EVI5: variants seen among roughly 807,000 people sequenced by gnomAD.
EVI5 encodes the protein ecotropic viral integration site 5, also known as ecotropic viral integration site 5 protein homolog.
EVI5 carries 73 observed loss-of-function variants against 112.0 expected under a neutral mutation model. The ratio of observed to expected loss-of-function variants is 0.65; its 90% CI spans 0.54 to 0.79. The LOEUF is 0.79. EVI5 is among the 30% of genes least tolerant of loss of function. The pLI is 0.00. For synonymous variants in EVI5, 305 were observed against 319.9 expected (o/e 0.95, Z 0.50); for missense variants, 900 against 968.8 (o/e 0.93, Z 0.94).
intron 19 of EVI5, among the ~76,000 whole-genome samples, chr1:92,551,287 C>T (rs1666898399): frequency 6.6e-6 from 1 of 151,232 alleles, no homozygotes; most frequent in South Asian, 2.1e-4. Context: ...TCTGCCTTCC[C>T]TAAGTGCTGG....
At chr1:92,747,044 A>G (rs369452498) in intron 1 of EVI5, among the ~76,000 whole-genome samples, 13 of 152,194 alleles carry the variant, frequency 8.5e-5, no homozygotes, top group South Asian at 8.3e-4. Flanking sequence ...TTTCCCAAAG[A>G]TGGCCTATAT....
At chr1:92,776,839 G>A (rs1482887521) in intron 1 of EVI5, among the ~76,000 whole-genome samples, 4 of 147,292 alleles carry the variant, frequency 2.7e-5, no homozygotes, top group African/African-American at 5.0e-5. Context: ...AGTCTCGCTC[G>A]TCGCCCAGGC....
intron 16 of EVI5, among the ~76,000 whole-genome samples, chr1:92,621,179 G>A (rs1654486913): frequency 6.6e-6 from 1 of 152,006 alleles, no homozygotes; most frequent in Admixed American, 6.6e-5. Context: ...TAGAAAAAAA[G>A]AAACAAAGAA....
chr1:92,671,222 A>G (rs1244543133), intron 10 of EVI5, among the ~76,000 whole-genome samples: 1 of 152,186 alleles, frequency 6.6e-6, no homozygotes, highest in Non-Finnish European at 1.5e-5. Context: ...ATCATGCTGG[A>G]AAATGCAATG....
At chr1:92,657,385 A>G (rs567431716) in intron 13 of EVI5, among the ~76,000 whole-genome samples, 16 of 152,344 alleles carry the variant, frequency 1.1e-4, no homozygotes, top group Admixed American at 2.0e-4. Context: ...AACATACGCC[A>G]GGTACGTCGG....
chr1:92,746,708 T>C (rs960880780), intron 1 of EVI5, among the ~76,000 whole-genome samples: 1 of 151,736 alleles, frequency 6.6e-6, no homozygotes, highest in Non-Finnish European at 1.5e-5. Context: ...GCCTGGGCAA[T>C]AGAGCGAGAC....
At chr1:92,691,482 GA>G (rs1321600298) in intron 9 of EVI5, among the ~76,000 whole-genome samples, 2 of 151,998 alleles carry the variant, frequency 1.3e-5, no homozygotes, top group African/African-American at 4.8e-5. Flanking sequence ...TTTCCCAAGT[GA>G]AAAAAAGCAA....
At chr1:92,547,314 C>G (rs367897810) in intron 19 of EVI5, among the ~76,000 whole-genome samples, 2 of 152,150 alleles carry the variant, frequency 1.3e-5, no homozygotes, top group South Asian at 2.1e-4. Context: ...AACAAAGACA[C>G]AACATACCAG....
rs1677487303 is a variant in EVI5 at position 92,736,621 on chromosome 1, T to C, written c.-75A>G. 2.5e-6 allele frequency: 4 copies of C among 1,612,120 alleles called. No individual in the cohort carries two copies. Among genetic ancestry groups the C allele is most frequent in the Admixed American group, 1.7e-5 (1 of 59,998 alleles). On this transcript the variant is annotated 5_prime_UTR_variant, in exon 2 of 20. Transcript: ENST00000684568. Reference sequence around the variant, plus strand: ...CTCAGCTTTTCTGCAACTTTGTCTGTCGCCACCTAAGGACAAAAATAAAAG... The same window carrying C: ...CTCAGCTTTTCTGCAACTTTGTCTGCCGCCACCTAAGGACAAAAATAAAAG...
rs566376045 is a variant in EVI5, at chr1:92,758,994, T to C, written c.-81-22367A>G. Among the ~76,000 whole-genome samples the C allele has an allele frequency of 1.1e-4, 17 of 152,224 alleles. No homozygotes were observed. In the East Asian group the frequency reaches 2.9e-3, roughly 26 times the overall value. On this transcript the variant is annotated intron_variant, in intron 1 of 19. Transcript: ENST00000684568. ...GGCTCATGCCTGCAATCCCAACACT[T>C]TGGGAGGCCCAAGCAGGCAGATCAC...
intron 18 of EVI5, among the ~76,000 whole-genome samples, chr1:92,568,845 A>G (rs541372724): frequency 6.6e-6 from 1 of 152,334 alleles, no homozygotes; most frequent in South Asian, 2.1e-4. Flanking sequence ...GCTTATTTTA[A>G]GAATACAGTC....
intron 15 of EVI5, among the ~76,000 whole-genome samples, chr1:92,625,524 T>C (rs1029536251): frequency 2.0e-5 from 3 of 152,210 alleles, no homozygotes; most frequent in Non-Finnish European, 2.9e-5. Context: ...CTTTCACAGT[T>C]TGCAGAAAAA....
At chr1:92,535,304 TTGG>T (rs1663672302) in intron 19 of EVI5, among the ~76,000 whole-genome samples, 1 of 152,144 alleles carries the variant, frequency 6.6e-6, no homozygotes, top group South Asian at 2.1e-4. Flanking sequence ...TTTTACACTG[TTGG>T]TGGGAGTGTA....
intron 19 of EVI5, among the ~76,000 whole-genome samples, chr1:92,539,874 T>C (rs947398594): frequency 6.6e-6 from 1 of 152,122 alleles, no homozygotes; most frequent in Non-Finnish European, 1.5e-5. Flanking sequence ...AACCCCTCTC[T>C]TCCCCTCCAA....
chr1:92,616,450 A>T (rs759706834), intron 16 of EVI5, among the ~76,000 whole-genome samples: 1 of 152,194 alleles, frequency 6.6e-6, no homozygotes, highest in Non-Finnish European at 1.5e-5. Context: ...CATGAACAGC[A>T]GCGGCAAAGC....
chr1:92,513,633 CAT>C lies in EVI5; in HGVS notation c.*21_*22del, dbSNP rs1314379988. 3 of 1,495,074 alleles carry C rather than the reference CAT, an allele frequency of 2.0e-6. No individual in the cohort carries two copies. Among genetic ancestry groups the C allele is most frequent in the Non-Finnish European group, 2.7e-6 (3 of 1,113,008 alleles). The allele number at this position is 1,495,074 out of a possible 1,614,324, so 92.6% of individuals were successfully genotyped here. A position where few individuals can be genotyped will look rare whatever the true frequency, so the allele number is the denominator to read the frequency against. The stretch of plus-strand genomic sequence containing the variant: ...TGATAACTGATCCCTTAAATAAATC[CAT>C]AGTCTAGGTCACAGTGATGGTCAGA... On this transcript the variant is annotated 3_prime_UTR_variant, in exon 20 of 20. Transcript: ENST00000684568.
chr1:92,638,134 A>G (rs986269678), intron 13 of EVI5, among the ~76,000 whole-genome samples: 1 of 152,136 alleles, frequency 6.6e-6, no homozygotes, highest in Non-Finnish European at 1.5e-5. Context: ...GTTTGCAAAG[A>G]CTTTATATTA....
chr1:92,604,701 T>G (rs762913275), intron 18 of EVI5, among the ~76,000 whole-genome samples: 1 of 152,224 alleles, frequency 6.6e-6, no homozygotes, highest in African/African-American at 2.4e-5. Flanking sequence ...TATACACAAC[T>G]GTACGTGCTA....
intron 10 of EVI5, among the ~76,000 whole-genome samples, chr1:92,672,453 T>C (rs1666032135): frequency 6.6e-6 from 1 of 152,206 alleles, no homozygotes; most frequent in Non-Finnish European, 1.5e-5. Flanking sequence ...TCTAGTCCCA[T>C]CACTTCCTTC....
Sources: gnomAD v4.1 joint callset for allele counts (sites outside exome capture counted in the v4.1 genomes callset) on GRCh38, gnomAD v4.1.1 for gene constraint, MANE v1.5 for transcripts, NCBI Gene and HGNC (gene_info 2026-07-23, HGNC 2026-07-21) for gene names.